Variants in MTG1 observed in about 807,000 individuals in gnomAD.
MTG1 encodes mitochondrial ribosome-associated GTPase 1.
Under a neutral mutation model 39.5 loss-of-function variants are expected in MTG1, and 30 were observed. The ratio of observed to expected loss-of-function variants is 0.76; its 90% CI spans 0.57 to 1.03. The LOEUF is 1.03. Among genes scored for constraint, MTG1 ranks in the 50% least tolerant of loss-of-function variants. MTG1 has a pLI of 0.00. For synonymous variants in MTG1, 217 were observed against 179.0 expected, an observed-to-expected ratio of 1.21 and a Z score of -1.69; for missense variants, 513 against 447.4, an observed-to-expected ratio of 1.15 and a Z score of -1.32.
chr10:133,417,126 G>A (rs1015962939), intron 9 of MTG1, among the ~76,000 whole-genome samples: 8 of 152,072 alleles, frequency 5.3e-5, no homozygotes, highest in Non-Finnish European at 1.2e-4. Flanking sequence ...TCTCATTGTG[G>A]TTTTGATTTG....
In MTG1 at chr10:133,398,500, T is replaced by A; in HGVS notation, c.348T>A (p.Asp116Glu). 1 of 1,613,698 alleles carries A rather than the reference T, an allele frequency of 6.2e-7. No individual in the cohort carries two copies. The highest frequency in any genetic ancestry group is 8.5e-7 in the Non-Finnish European group (1 of 1,179,926). Residue 116 changes from aspartate (D) to glutamate (E), a missense_variant, in exon 4 of 11, where the codon GAT becomes GAA. Physicochemically the swap from Asp to Glu is conservative, Grantham distance 45. Coordinates refer to ENST00000317502, the MANE Select transcript of MTG1 (RefSeq NM_138384.4). ...TCATTTTTACCAACTGTGTAAAGGA[T>A]GAAAATGTCAAGCAGGTAGGCTTTT... is the stretch of plus-strand genomic sequence containing the variant. ...KNVIFTNCVK[D>E]ENVKQIIPMV...
At position 133,402,349 on chromosome 10, in the gene MTG1, G is replaced by C; in HGVS notation, c.670+104G>C. 1 of 1,354,408 alleles carries C rather than the reference G, an allele frequency of 7.4e-7. No homozygotes were observed. The highest frequency in any genetic ancestry group is 1.7e-5 in the Admixed American group (1 of 57,930). The allele number at this position is 1,354,408 out of a possible 1,614,324, so 83.9% of individuals were successfully genotyped here. ...GGGCCCCTAGACGGGAGTTGTTACT[G>C]CCTTTGACCTGGTTGCTGCCAGACC... On this transcript the variant is annotated intron_variant, in intron 8 of 10. Coordinates refer to ENST00000317502, the MANE Select transcript of MTG1 (RefSeq NM_138384.4). The surrounding 1 kb of genome is among the most constrained non-coding windows in gnomAD (Gnocchi z 4.7).
At chr10:133,407,980 A>G (rs1033652488) in intron 9 of MTG1, among the ~76,000 whole-genome samples, 27 of 152,194 alleles carry the variant, frequency 1.8e-4, no homozygotes, top group Admixed American at 2.0e-4. Context: ...GGAGTCTTTC[A>G]GTTTTTCCCA....
chr10:133,414,945 C>T (rs1850100455), intron 9 of MTG1, among the ~76,000 whole-genome samples: 1 of 152,260 alleles, frequency 6.6e-6, no homozygotes. Flanking sequence ...TGGCGGATCA[C>T]TTGTGGTTAG....
intron 2 of MTG1, 96 bp from the exon 3 acceptor site, chr10:133,396,067 G>T: frequency 1.8e-6 from 2 of 1,136,772 alleles, no homozygotes; most frequent in South Asian, 1.3e-5. Flanking sequence ...CTTGAGGAAT[G>T]AATTGGCAGG....
At chr10:133,406,331 C>T (rs181399519) in intron 9 of MTG1, among the ~76,000 whole-genome samples, 192 of 152,140 alleles carry the variant, frequency 1.3e-3, no homozygotes, top group African/African-American at 4.1e-3. Flanking sequence ...CTTGCCGTGC[C>T]GTCCAGGCTG....
intron 5 of MTG1, 65 bp from the exon 6 acceptor site, chr10:133,399,464 G>A (rs903357840): frequency 2.6e-5 from 39 of 1,515,468 alleles, no homozygotes; most frequent in South Asian, 1.5e-4. Context: ...GCCTGGGTGG[G>A]GTTGCAGAGT....
intron 6 of MTG1, among the ~76,000 whole-genome samples, chr10:133,400,757 C>G (rs1417912220): frequency 6.6e-6 from 1 of 152,192 alleles, no homozygotes; most frequent in African/African-American, 2.4e-5. Context: ...CAAAGAGTCA[C>G]TCCCCCAGCC....
rs1229243618 is a variant in MTG1, at chr10:133,420,221, G to A, written c.*56G>A. The A allele has an allele frequency of 6.5e-7, 1 of 1,544,070 alleles. No homozygotes were observed. Among genetic ancestry groups the A allele is most frequent in the East Asian group, 2.3e-5 (1 of 43,700 alleles). Reference sequence around the variant, plus strand: ...GTGGCCTCCCAGACCTCCTGACCTGGGTGGTTGAGGCTCAAGACAGCTCAC... The same window carrying A: ...GTGGCCTCCCAGACCTCCTGACCTGAGTGGTTGAGGCTCAAGACAGCTCAC... On this transcript the variant is annotated 3_prime_UTR_variant, in exon 11 of 11. Transcript: ENST00000317502.
chr10:133,404,352 C>A (rs1399078722), intron 9 of MTG1, among the ~76,000 whole-genome samples: 1 of 152,098 alleles, frequency 6.6e-6, no homozygotes, highest in Non-Finnish European at 1.5e-5. Flanking sequence ...GTCTTGAACT[C>A]CTGGGCTCAA....
At chr10:133,415,674 G>A (rs963978831) in intron 9 of MTG1, among the ~76,000 whole-genome samples, 2 of 152,212 alleles carry the variant, frequency 1.3e-5, no homozygotes, top group African/African-American at 4.8e-5. Flanking sequence ...GATTACGATG[G>A]ACCTTGGTAT....
At chr10:133,410,866 C>T (rs147371262) in intron 9 of MTG1, among the ~76,000 whole-genome samples, 1,828 of 152,318 alleles carry the variant, frequency 0.012, 17 homozygotes, top group Non-Finnish European at 0.018. Flanking sequence ...TGTACTTTAA[C>T]TGCATCTTTC....
chr10:133,401,259 C>T (rs1849870320), intron 6 of MTG1, among the ~76,000 whole-genome samples: 1 of 152,172 alleles, frequency 6.6e-6, no homozygotes, highest in South Asian at 2.1e-4. Flanking sequence ...ATCTCAGTCT[C>T]TGTGTGGCTT....
At chr10:133,418,398 T>C (rs966234289) in intron 9 of MTG1, among the ~76,000 whole-genome samples, 3 of 151,978 alleles carry the variant, frequency 2.0e-5, no homozygotes, top group African/African-American at 7.3e-5. Flanking sequence ...ACAGTTAGAT[T>C]ATTGGAAACA....
intron 5 of MTG1, 125 bp downstream of exon 5, chr10:133,399,351 C>A: frequency 1.6e-6 from 2 of 1,278,516 alleles, no homozygotes. Context: ...TTTGTCCTCT[C>A]ATTCTCTTCA....
intron 3 of MTG1, 140 bp from the exon 4 acceptor site, chr10:133,398,288 TACTTGGG>T: frequency 4.3e-6 from 3 of 696,824 alleles, no homozygotes; most frequent in Non-Finnish European, 7.1e-6. Flanking sequence ...TAATCCCTGC[TACTTGGG>T]AGGCTGAGGC....
intron 6 of MTG1, 200 bp from the exon 7 acceptor site, chr10:133,401,329 G>C (rs970242403): frequency 1.6e-5 from 8 of 498,062 alleles, no homozygotes; most frequent in Non-Finnish European, 2.5e-5. Flanking sequence ...TATAGCCTTG[G>C]GAAGCTCATC....
At chr10:133,401,989 G>C in intron 7 of MTG1, 160 bp from the exon 8 acceptor site, 1 of 731,492 alleles carries the variant, frequency 1.4e-6, no homozygotes, top group Non-Finnish European at 2.3e-6. Context: ...AGATCCTCTG[G>C]GGAACCCTGG....
Position 133,394,537 on chromosome 10 carries a change from C to T in MTG1, c.112+205C>T, listed in dbSNP as rs565578777. ...CCCCTGCGCAGCTGCGGGAGAGGCC[C>T]GTTCCCGCGAGTGCCCCCGCGGCGC... On this transcript the variant is annotated intron_variant, in intron 1 of 10. Transcript: ENST00000317502. 5 of 1,338,896 alleles carry T rather than the reference C, an allele frequency of 3.7e-6. No homozygotes were observed. In the African/African-American group the frequency reaches 4.6e-5, roughly 12 times the overall value. 82.9% of individuals were successfully genotyped at this position (1,338,896 alleles called of 1,614,324 possible). A position where few individuals can be genotyped will look rare whatever the true frequency, so the allele number is the denominator to read the frequency against.
Sources: allele counts gnomAD v4.1 joint callset (sites outside exome capture counted in the v4.1 genomes callset), GRCh38; gene constraint gnomAD v4.1.1; non-coding constraint Gnocchi (gnomAD v3.1); transcripts MANE v1.5; gene names NCBI Gene and HGNC (gene_info 2026-07-23, HGNC 2026-07-21).